Variants in RSRC1 observed in about 807,000 individuals in gnomAD.
RSRC1 encodes serine/Arginine-related protein 53.
In RSRC1, 39 loss-of-function variants were observed where a neutral mutation model predicts 49.1. The ratio of observed to expected loss-of-function variants is 0.79; its 90% CI spans 0.61 to 1.04. The LOEUF is 1.04. Ranked by LOEUF, RSRC1 falls within the 50% of genes least tolerant of loss-of-function variation. The pLI is 0.00. For missense variants in RSRC1, 388 were observed against 402.4 expected (o/e 0.96, Z 0.31); for synonymous variants, 143 against 130.8 (o/e 1.09, Z -0.63).
At chr3:158,425,123 T>C (rs1470363882) in intron 6 of RSRC1, among the ~76,000 whole-genome samples, 1 of 151,954 alleles carries the variant, frequency 6.6e-6, no homozygotes, top group African/African-American at 2.4e-5. Flanking sequence ...TTCTGCTAGC[T>C]TTTGAATGTG....
intron 6 of RSRC1, among the ~76,000 whole-genome samples, chr3:158,403,795 A>G (rs1734009974): frequency 6.6e-6 from 1 of 151,818 alleles, no homozygotes; most frequent in Admixed American, 6.6e-5. Flanking sequence ...AGTGATCACT[A>G]AATTTGGACC....
intron 5 of RSRC1, among the ~76,000 whole-genome samples, chr3:158,304,894 T>C (rs1239577223): frequency 6.6e-6 from 1 of 152,170 alleles, no homozygotes; most frequent in Non-Finnish European, 1.5e-5. Context: ...TATGAATGTG[T>C]GCAAATTAAA....
At chr3:158,376,934 A>T (rs906356398) in intron 6 of RSRC1, among the ~76,000 whole-genome samples, 4 of 152,132 alleles carry the variant, frequency 2.6e-5, no homozygotes, top group Non-Finnish European at 4.4e-5. Context: ...AAGGGAATGT[A>T]TATTCTACAG....
chr3:158,253,595 G>A (rs1724351583), intron 4 of RSRC1, among the ~76,000 whole-genome samples: 1 of 152,054 alleles, frequency 6.6e-6, no homozygotes, highest in African/African-American at 2.4e-5. Context: ...CCTGGATAGT[G>A]CACATAAGTT....
intron 6 of RSRC1, among the ~76,000 whole-genome samples, chr3:158,362,646 A>G (rs2108253751): frequency 6.6e-6 from 1 of 152,340 alleles, no homozygotes; most frequent in South Asian, 2.1e-4. Context: ...AAAAGACAGT[A>G]AAACATGATT....
At chr3:158,196,182 G>C (rs1340604473) in intron 3 of RSRC1, among the ~76,000 whole-genome samples, 1 of 16,072 alleles carries the variant, frequency 6.2e-5, no homozygotes, top group Admixed American at 7.3e-4. Flanking sequence ...GTTGAGCAGT[G>C]TGGTTTGTAG....
chr3:158,228,767 A>G (rs552925586), intron 4 of RSRC1, among the ~76,000 whole-genome samples: 12 of 151,148 alleles, frequency 7.9e-5, no homozygotes, highest in East Asian at 7.8e-4. Context: ...GTGTGTGTGT[A>G]TATATATATG....
chr3:158,341,076 C>T (rs182699088), intron 5 of RSRC1, among the ~76,000 whole-genome samples: 1 of 152,184 alleles, frequency 6.6e-6, no homozygotes, highest in East Asian at 1.9e-4. Context: ...CAAGAGGTGA[C>T]TTGGGTATTG....
intron 6 of RSRC1, among the ~76,000 whole-genome samples, chr3:158,384,191 A>G (rs1365981373): frequency 1.3e-5 from 2 of 152,136 alleles, no homozygotes; most frequent in African/African-American, 4.8e-5. Flanking sequence ...ATGAATCAGG[A>G]ACAGGTAAGA....
At chr3:158,489,102 A>G (rs1339837838) in intron 7 of RSRC1, among the ~76,000 whole-genome samples, 1 of 152,166 alleles carries the variant, frequency 6.6e-6, no homozygotes, top group Non-Finnish European at 1.5e-5. Flanking sequence ...AAAGTTTATT[A>G]TTTTCATTTT....
At chr3:158,509,470 CA>C (rs1271662788) in intron 7 of RSRC1, among the ~76,000 whole-genome samples, 2 of 151,940 alleles carry the variant, frequency 1.3e-5, no homozygotes, top group Non-Finnish European at 2.9e-5. Context: ...ATGCTTTCAC[CA>C]CATCTGTATA....
At chr3:158,137,360 T>A (rs1369664323) in intron 3 of RSRC1, among the ~76,000 whole-genome samples, 1 of 151,436 alleles carries the variant, frequency 6.6e-6, no homozygotes, top group Non-Finnish European at 1.5e-5. Context: ...TGATTAATAT[T>A]GAATAAAAGG....
Position 158,220,685 on chromosome 3 carries a change from G to T in RSRC1, c.494+17440G>T, listed in dbSNP as rs530236215. Among the ~76,000 whole-genome samples, 13 of 151,438 alleles carry T rather than the reference G, an allele frequency of 8.6e-5. No individual in the cohort carries two copies. The East Asian group carries it at 2.5e-3, about 30-fold the overall frequency. On this transcript the variant is annotated intron_variant, in intron 4 of 9. Coordinates refer to ENST00000611884, the MANE Select transcript of RSRC1 (RefSeq NM_001271838.2). ...CTTTCTTTCTTTTAATAACCACCTT[G>T]TATTTTAAAAAGACTATTGTTTGCC...
At chr3:158,372,048 A>G (rs948968366) in intron 6 of RSRC1, among the ~76,000 whole-genome samples, 1 of 137,932 alleles carries the variant, frequency 7.2e-6, no homozygotes, top group African/African-American at 2.5e-5. Flanking sequence ...CTGAGTTTTA[A>G]GAGTTTGTAT....
At chr3:158,407,712 T>G (rs1734227763) in intron 6 of RSRC1, among the ~76,000 whole-genome samples, 2 of 152,176 alleles carry the variant, frequency 1.3e-5, no homozygotes, top group Non-Finnish European at 2.9e-5. Context: ...TAATAGTTCT[T>G]TTTAAAAAAA....
intron 3 of RSRC1, among the ~76,000 whole-genome samples, chr3:158,185,796 G>A (rs1159923413): frequency 6.6e-6 from 1 of 151,862 alleles, no homozygotes. Flanking sequence ...AAAGTATATA[G>A]CATTTTAAGA....
At chr3:158,510,476 A>G (rs958126451) in intron 7 of RSRC1, among the ~76,000 whole-genome samples, 1 of 151,862 alleles carries the variant, frequency 6.6e-6, no homozygotes, top group Non-Finnish European at 1.5e-5. Flanking sequence ...AGAATTTCCC[A>G]CTTAAACTCT....
intron 4 of RSRC1, among the ~76,000 whole-genome samples, chr3:158,294,327 T>C (rs1234399768): frequency 6.6e-6 from 1 of 152,148 alleles, no homozygotes; most frequent in African/African-American, 2.4e-5. Flanking sequence ...TTATTTCAAA[T>C]GATTATGTTT....
intron 1 of RSRC1, among the ~76,000 whole-genome samples, chr3:158,114,329 G>A (rs1474524742): frequency 1.3e-5 from 2 of 152,108 alleles, no homozygotes; most frequent in African/African-American, 4.8e-5. Flanking sequence ...TTATTTCTGA[G>A]TTGTCTATTC....
Sources: gnomAD v4.1 joint callset for allele counts (sites outside exome capture counted in the v4.1 genomes callset) on GRCh38, gnomAD v4.1.1 for gene constraint, MANE v1.5 for transcripts, NCBI Gene and HGNC (gene_info 2026-07-23, HGNC 2026-07-21) for gene names.